The following LUZP2 variants were observed in gnomAD, a reference collection of about 807,000 sequenced individuals.
The protein encoded by LUZP2 is leucine zipper protein 2.
In LUZP2, 52 loss-of-function variants were observed where a neutral mutation model predicts 51.6. The ratio of observed to expected loss-of-function variants is 1.01; its 90% CI spans 0.81 to 1.27. The LOEUF is 1.27. LUZP2 is among the 50% of genes most tolerant of loss of function. The pLI is 0.00. For missense variants in LUZP2, 436 were observed against 395.4 expected, an observed-to-expected ratio of 1.10 and a Z score of -0.87; for synonymous variants, 154 against 137.3, an observed-to-expected ratio of 1.12 and a Z score of -0.85.
chr11:24,964,876 G>A (rs1855535990), intron 7 of LUZP2, among the ~76,000 whole-genome samples: 1 of 151,554 alleles, frequency 6.6e-6, no homozygotes, highest in African/African-American at 2.4e-5. Flanking sequence ...CTCAATGCAT[G>A]GTATAAAAGG....
intron 5 of LUZP2, among the ~76,000 whole-genome samples, chr11:24,799,929 G>A (rs1590550881): frequency 6.6e-6 from 1 of 152,130 alleles, no homozygotes; most frequent in African/African-American, 2.4e-5. Flanking sequence ...CTGATTGATT[G>A]CTGCAATAAA....
intron 1 of LUZP2, among the ~76,000 whole-genome samples, chr11:24,546,982 TGGTGGTGGTGGTG>T (rs1851569890): frequency 1.4e-5 from 2 of 147,190 alleles, no homozygotes; most frequent in Admixed American, 1.4e-4. Context: ...GTGGTGGTGG[TGGTGGTGGTGGTG>T]GTTGGTAGGC....
At chr11:24,656,725 C>T (rs561808672) in intron 1 of LUZP2, among the ~76,000 whole-genome samples, 121 of 152,316 alleles carry the variant, frequency 7.9e-4, no homozygotes, top group African/African-American at 2.8e-3. Flanking sequence ...CAGCTTAAGG[C>T]TCCTTTTCTC....
intron 1 of LUZP2, among the ~76,000 whole-genome samples, chr11:24,498,834 G>T (rs1849906242): frequency 6.6e-6 from 1 of 151,582 alleles, no homozygotes; most frequent in South Asian, 2.1e-4. Flanking sequence ...GTCAACACAT[G>T]CATAAATAAT....
chr11:25,028,647 T>A (rs1000402343), intron 9 of LUZP2, among the ~76,000 whole-genome samples: 8 of 152,138 alleles, frequency 5.3e-5, no homozygotes, highest in African/African-American at 1.9e-4. Context: ...GTACCATTTT[T>A]TATTTCAGTA....
chr11:24,651,065 G>A (rs1855609400), intron 1 of LUZP2, among the ~76,000 whole-genome samples: 1 of 151,900 alleles, frequency 6.6e-6, no homozygotes, highest in African/African-American at 2.4e-5. Context: ...TTTTTCCTTT[G>A]TATTAATATT....
At chr11:24,954,984 A>C (rs1855175788) in intron 7 of LUZP2, among the ~76,000 whole-genome samples, 1 of 152,024 alleles carries the variant, frequency 6.6e-6, no homozygotes, top group Non-Finnish European at 1.5e-5. Flanking sequence ...GTACATGTGA[A>C]GATGGTGAGG....
intron 1 of LUZP2, among the ~76,000 whole-genome samples, chr11:24,647,830 ATATC>A (rs1855509353): frequency 6.6e-6 from 1 of 151,876 alleles, no homozygotes. Flanking sequence ...TCAAATAACT[ATATC>A]TATTTTAATA....
chr11:24,517,090 G>A (rs181164931), intron 1 of LUZP2, among the ~76,000 whole-genome samples: 39 of 152,056 alleles, frequency 2.6e-4, no homozygotes, highest in Admixed American at 1.9e-3. Flanking sequence ...TGTGTTCTAA[G>A]TTGAAACATA....
At chr11:24,690,770 G>C (rs896877476) in intron 1 of LUZP2, among the ~76,000 whole-genome samples, 6 of 152,148 alleles carry the variant, frequency 3.9e-5, no homozygotes, top group African/African-American at 1.4e-4. Context: ...CTGGGGTTAT[G>C]ATTGGAAGGT....
chr11:24,597,005 C>A (rs2133853808), intron 1 of LUZP2, among the ~76,000 whole-genome samples: 1 of 152,154 alleles, frequency 6.6e-6, no homozygotes, highest in Non-Finnish European at 1.5e-5. Flanking sequence ...AGAAATGAGA[C>A]TATGGTTTAT....
intron 1 of LUZP2, among the ~76,000 whole-genome samples, chr11:24,626,917 C>T (rs188410308): frequency 4.9e-4 from 75 of 152,284 alleles, no homozygotes; most frequent in Admixed American, 9.2e-4. Context: ...CATGCTACTC[C>T]ATGTGACATT....
chr11:24,546,847 G>A (rs1851560535), intron 1 of LUZP2, among the ~76,000 whole-genome samples: 1 of 151,974 alleles, frequency 6.6e-6, no homozygotes, highest in South Asian at 2.1e-4. Flanking sequence ...AGTAGGAATG[G>A]TACCAGCTCT....
intron 7 of LUZP2, among the ~76,000 whole-genome samples, chr11:24,961,425 G>A (rs994684111): frequency 1.3e-5 from 2 of 152,086 alleles, no homozygotes; most frequent in Non-Finnish European, 1.5e-5. Flanking sequence ...ATGAATCTGG[G>A]TGCTCCTGTA....
At chr11:24,746,899 G>A (rs1024897415) in intron 4 of LUZP2, among the ~76,000 whole-genome samples, 22 of 152,160 alleles carry the variant, frequency 1.4e-4, no homozygotes, top group Non-Finnish European at 2.2e-4. Flanking sequence ...GTTTCCTGAA[G>A]TTTTGATTGT....
At chr11:24,601,848 GTA>G (rs67762793) in intron 1 of LUZP2, among the ~76,000 whole-genome samples, 41,179 of 136,560 alleles carry the variant, frequency 0.3, 6,256 homozygotes, top group Admixed American at 0.36. Flanking sequence ...AAATAAACAG[GTA>G]TATATATATA....
At chr11:24,842,261 T>C (rs1463322916) in intron 5 of LUZP2, among the ~76,000 whole-genome samples, 1 of 148,920 alleles carries the variant, frequency 6.7e-6, no homozygotes, top group African/African-American at 2.4e-5. Flanking sequence ...ATAAGGAATA[T>C]GTTATATAAT....
intron 1 of LUZP2, among the ~76,000 whole-genome samples, chr11:24,557,284 A>T (rs1851899270): frequency 6.6e-6 from 1 of 152,196 alleles, no homozygotes; most frequent in Admixed American, 6.5e-5. Flanking sequence ...TGAGTAGAAG[A>T]GTTAATATGT....
Position 24,685,214 on chromosome 11 carries a change from C to T in LUZP2, c.63-43955C>T, listed in dbSNP as rs562778627. Among the ~76,000 whole-genome samples, 5 of 152,212 alleles carry T rather than the reference C, an allele frequency of 3.3e-5. No individual in the cohort carries two copies. In the East Asian group the frequency reaches 9.7e-4, roughly 29 times the overall value. ...TTACATAACTTCCAAAGCCAACTTTCTTACCAAAGCTGCCATCGAGAAAAC... is the reference window on the plus strand; with the variant it reads ...TTACATAACTTCCAAAGCCAACTTTTTTACCAAAGCTGCCATCGAGAAAAC... On this transcript the variant is annotated intron_variant, in intron 1 of 11. Coordinates refer to ENST00000336930, the MANE Select transcript of LUZP2 (RefSeq NM_001009909.4).
Sources: gnomAD v4.1 joint callset for allele counts (sites outside exome capture counted in the v4.1 genomes callset) on GRCh38, gnomAD v4.1.1 for gene constraint, MANE v1.5 for transcripts, NCBI Gene and HGNC (gene_info 2026-07-23, HGNC 2026-07-21) for gene names.